SLC35B4: variants seen among roughly 807,000 people sequenced by gnomAD.
SLC35B4 encodes nucleotide sugar transporter SLC35B4.
SLC35B4 carries 28 observed loss-of-function variants against 39.5 expected under a neutral mutation model. The observed-to-expected ratio is 0.71, with a 90% confidence interval of 0.53 to 0.97. The LOEUF is 0.97. SLC35B4 is among the 50% of genes least tolerant of loss of function. SLC35B4 has a pLI of 0.00. For synonymous variants in SLC35B4, 145 were observed against 150.4 expected (o/e 0.96, Z 0.26); for missense variants, 334 against 414.3 (o/e 0.81, Z 1.68).
Position 134,306,652 on chromosome 7 carries a change from C to T in SLC35B4, c.294+20G>A, listed in dbSNP as rs745526762. 13 of 1,585,510 alleles carry T rather than the reference C, an allele frequency of 8.2e-6. No individual in the cohort carries two copies. The East Asian group carries it at 1.8e-4, about 22-fold the overall frequency. On this transcript the variant is annotated intron_variant, in intron 3 of 9. Coordinates refer to ENST00000378509, the MANE Select transcript of SLC35B4 (RefSeq NM_032826.5). Reference sequence around the variant, plus strand: ...TATACTTTTCAGAGGAACATATACACGTGATCCGGCAGCACTTACGGATCT... The same window carrying T: ...TATACTTTTCAGAGGAACATATACATGTGATCCGGCAGCACTTACGGATCT...
intron 5 of SLC35B4, 41 bp from the exon 6 acceptor site, chr7:134,301,862 T>C (rs1423686859): frequency 1.3e-6 from 2 of 1,585,474 alleles, no homozygotes; most frequent in Non-Finnish European, 1.7e-6. Context: ...AGAGCAGAAC[T>C]ACGTGCAAGG....
At chr7:134,301,922 C>A in intron 5 of SLC35B4, 101 bp from the exon 6 acceptor site, 1 of 1,511,698 alleles carries the variant, frequency 6.6e-7, no homozygotes, top group Admixed American at 1.8e-5. Context: ...CTCCCCTCTT[C>A]TCTTTCAAAA....
chr7:134,315,113 T>C (rs1052952985), intron 1 of SLC35B4, among the ~76,000 whole-genome samples: 2 of 152,180 alleles, frequency 1.3e-5, no homozygotes, highest in Admixed American at 1.3e-4. Flanking sequence ...AGGCACCACA[T>C]GAAGAACTGG....
chr7:134,320,088 C>G (rs1416797111), upstream of SLC35B4, among the ~76,000 whole-genome samples: 1 of 152,088 alleles, frequency 6.6e-6, no homozygotes, highest in Non-Finnish European at 1.5e-5. Context: ...CATAACAAAC[C>G]ACCCCAAACT....
chr7:134,301,530 C>A (rs1246532716), intron 6 of SLC35B4, among the ~76,000 whole-genome samples: 2 of 152,194 alleles, frequency 1.3e-5, no homozygotes, highest in Non-Finnish European at 2.9e-5. Flanking sequence ...CCAGTGGCAA[C>A]CAAGAAAAAC....
intron 1 of SLC35B4, among the ~76,000 whole-genome samples, chr7:134,315,646 A>C (rs528502939): frequency 5.1e-4 from 77 of 151,446 alleles, no homozygotes; most frequent in African/African-American, 1.8e-3. Context: ...CAAATCCAAA[A>C]AAAAAACAAA....
chr7:134,300,793 T>C (rs1803563835), intron 6 of SLC35B4, among the ~76,000 whole-genome samples: 1 of 152,172 alleles, frequency 6.6e-6, no homozygotes, highest in African/African-American at 2.4e-5. Flanking sequence ...TTTCCATAAA[T>C]GCTGTGTCCA....
At position 134,294,125 on chromosome 7, in the gene SLC35B4, T is replaced by C. The variant is rs1030795977; in HGVS notation, c.*708A>G. On this transcript the variant is annotated 3_prime_UTR_variant, in exon 10 of 10. Transcript: ENST00000378509. ...TCTTTGTTATGAACACTGTGTCTGC[T>C]GTGAGATATGCTGCAGGGCCGCCCT... 1.3e-5 allele frequency: 2 copies of C among 152,242 alleles called. No individual in the cohort carries two copies. Among genetic ancestry groups the C allele is most frequent in the Non-Finnish European group, 2.9e-5 (2 of 68,154 alleles). The allele number at this position is 152,242 out of a possible 1,614,324, so 9.4% of individuals were successfully genotyped here. A position where few individuals can be genotyped will look rare whatever the true frequency, so the allele number is the denominator to read the frequency against.
At chr7:134,311,153 A>G (rs1803828200) in intron 1 of SLC35B4, among the ~76,000 whole-genome samples, 1 of 152,202 alleles carries the variant, frequency 6.6e-6, no homozygotes. Flanking sequence ...ATTCAATTCA[A>G]CAAGTTCTCT....
chr7:134,302,463 C>T (rs1029132018), intron 4 of SLC35B4, among the ~76,000 whole-genome samples: 1 of 152,194 alleles, frequency 6.6e-6, no homozygotes, highest in African/African-American at 2.4e-5. Context: ...TGTTGCTTTT[C>T]CTGTCTTTAG....
Position 134,293,417 on chromosome 7 carries a change from G to C in SLC35B4, c.*1416C>G, listed in dbSNP as rs1017603357. On this transcript the variant is annotated 3_prime_UTR_variant, in exon 10 of 10. Transcript: ENST00000378509. Reference sequence around the variant, plus strand: ...ACCTCTGAAATGATTAGCAAAGAGAGGCATGTTTCCACACACAATAAAGCA... The same window carrying C: ...ACCTCTGAAATGATTAGCAAAGAGACGCATGTTTCCACACACAATAAAGCA... The C allele has an allele frequency of 2.9e-4, 44 of 152,272 alleles. No homozygotes were observed. Among genetic ancestry groups the C allele is most frequent in the African/African-American group, 1.0e-3 (42 of 41,542 alleles). The allele number at this position is 152,272 out of a possible 1,614,324, so 9.4% of individuals were successfully genotyped here.
In SLC35B4 at chr7:134,290,109, C is replaced by T. The variant is rs1803302009; in HGVS notation, c.*4724G>A. 6.6e-6 allele frequency: 1 copy of T among 152,146 alleles called. No homozygotes were observed. The highest frequency in any genetic ancestry group is 2.1e-4 in the South Asian group (1 of 4,828). 9.4% of individuals were successfully genotyped at this position (152,146 alleles called of 1,614,324 possible). A position where few individuals can be genotyped will look rare whatever the true frequency, so the allele number is the denominator to read the frequency against. On this transcript the variant is annotated 3_prime_UTR_variant, in exon 10 of 10. Coordinates refer to ENST00000378509, the MANE Select transcript of SLC35B4 (RefSeq NM_032826.5). ...GCCTACTTCAAAAACTTTTAAGAATCTTTAATGTTCTATTAGGGATCTTCT... is the reference window on the plus strand; with the variant it reads ...GCCTACTTCAAAAACTTTTAAGAATTTTTAATGTTCTATTAGGGATCTTCT...
rs994819864 is a variant in SLC35B4 at position 134,290,415 on chromosome 7, G to A, written c.*4418C>T. On this transcript the variant is annotated 3_prime_UTR_variant, in exon 10 of 10. Coordinates refer to ENST00000378509, the MANE Select transcript of SLC35B4 (RefSeq NM_032826.5). ...TTGAGGGAAGAAGAGATCTTGGCAA[G>A]CATTCATTTATTCACATAACATAAG... is the stretch of plus-strand genomic sequence containing the variant. The A allele has an allele frequency of 5.3e-5, 8 of 152,230 alleles. No homozygotes were observed. The highest frequency in any genetic ancestry group is 4.6e-4 in the Admixed American group (7 of 15,284). The allele number at this position is 152,230 out of a possible 1,614,324, so 9.4% of individuals were successfully genotyped here.
At chr7:134,296,293 T>C in intron 9 of SLC35B4, 98 bp downstream of exon 9, 2 of 1,080,022 alleles carry the variant, frequency 1.9e-6, no homozygotes, top group Non-Finnish European at 2.8e-6. Context: ...GCGAAAATCA[T>C]ATTCAAGTCA....
At chr7:134,304,752 C>A in intron 4 of SLC35B4, 53 bp downstream of exon 4, 1 of 1,407,050 alleles carries the variant, frequency 7.1e-7, no homozygotes, top group Non-Finnish European at 1.0e-6. Context: ...AGCTTATGGA[C>A]AGGGGCTCAG....
intron 4 of SLC35B4, among the ~76,000 whole-genome samples, chr7:134,302,626 T>C (rs1378915984): frequency 6.6e-6 from 1 of 152,160 alleles, no homozygotes; most frequent in Non-Finnish European, 1.5e-5. Context: ...CTTAACATTG[T>C]TTTAAAATGT....
At position 134,305,280 on chromosome 7, in the gene SLC35B4, G is replaced by A. The variant is rs1375171720; in HGVS notation, c.295-426C>T. Among the ~76,000 whole-genome samples the A allele has an allele frequency of 5.9e-5, 9 of 151,900 alleles. 1 individual carries two copies. The South Asian group carries it at 6.3e-4, about 11-fold the overall frequency. On this transcript the variant is annotated intron_variant, in intron 3 of 9. Transcript: ENST00000378509. ...GGAGGTTGCAGTGAGCCAAGATCGC[G>A]CCATTGCACCTCCAGCCTGGGCAAC...
intron 4 of SLC35B4, among the ~76,000 whole-genome samples, chr7:134,303,411 AC>A (rs1477196349): frequency 6.6e-5 from 10 of 152,136 alleles, no homozygotes; most frequent in Admixed American, 2.6e-4. Flanking sequence ...GGCGAATTCC[AC>A]ACTATAAGAA....
chr7:134,317,084 G>T (rs376107058), upstream of SLC35B4: 261 of 276,466 alleles, frequency 9.4e-4, 2 homozygotes, highest in South Asian at 0.018. Flanking sequence ...ACAGGGGGAC[G>T]AGGTGCCCGG....
Sources: gnomAD v4.1 joint callset for allele counts (sites outside exome capture counted in the v4.1 genomes callset) on GRCh38, gnomAD v4.1.1 for gene constraint, MANE v1.5 for transcripts, NCBI Gene and HGNC (gene_info 2026-07-23, HGNC 2026-07-21) for gene names.